The following FBN2 variants were observed in gnomAD, a reference collection of about 807,000 sequenced individuals.
The protein encoded by FBN2 is fibrillin 2, also known as fibrillin-2.
In FBN2, 105 loss-of-function variants were observed where a neutral mutation model predicts 355.6. The ratio of observed to expected loss-of-function variants is 0.30; its 90% confidence interval spans 0.25 to 0.35. The LOEUF (loss-of-function observed/expected upper bound fraction) is 0.35, where lower values mean the gene tolerates loss of function less well. FBN2 is among the 10% of genes least tolerant of loss of function. FBN2 has a pLI of 1.00. For synonymous variants in FBN2, 1,350 were observed against 1,301.2 expected (o/e 1.04, Z -0.81); for missense variants, 3,280 against 3,758.7 (o/e 0.87, Z 3.33).
At chr5:128,326,502 A>C (rs559006260) in intron 34 of FBN2, among the ~76,000 whole-genome samples, 1 of 152,292 alleles carries the variant, frequency 6.6e-6, no homozygotes, top group Non-Finnish European at 1.5e-5. Context: ...CAACTTCAAT[A>C]ATTTTTTGAA....
intron 15 of FBN2, among the ~76,000 whole-genome samples, chr5:128,370,420 C>T (rs1206440567): frequency 6.6e-6 from 1 of 152,044 alleles, no homozygotes; most frequent in Non-Finnish European, 1.5e-5. Flanking sequence ...CTGATTAAAA[C>T]AGTGATTTAT....
chr5:128,281,017 A>G (rs1030098885), intron 55 of FBN2, among the ~76,000 whole-genome samples: 2 of 152,136 alleles, frequency 1.3e-5, no homozygotes, highest in African/African-American at 2.4e-5. Context: ...TTTTTGATAA[A>G]TGGCTCCTTT....
intron 11 of FBN2, among the ~76,000 whole-genome samples, chr5:128,379,764 T>C (rs1438620228): frequency 6.6e-6 from 1 of 152,088 alleles, no homozygotes; most frequent in African/African-American, 2.4e-5. Flanking sequence ...CAATGCCCAC[T>C]AAATATTATT....
At chr5:128,282,210 T>C (rs779581946) in intron 55 of FBN2, among the ~76,000 whole-genome samples, 28 of 152,206 alleles carry the variant, frequency 1.8e-4, no homozygotes, top group Non-Finnish European at 3.2e-4. Flanking sequence ...ATTTTCATTT[T>C]CTTCTTAGTG....
chr5:128,312,662 G>C lies in FBN2; in HGVS notation c.4851C>G (p.Pro1617=), dbSNP rs759989646. 4 of 1,613,994 alleles carry C rather than the reference G, an allele frequency of 2.5e-6. 1 individual carries two copies. The Admixed American group carries it at 6.7e-5, about 27-fold the overall frequency. The change falls in exon 37 of 65, where the codon CCC becomes CCG. Residue 1617 remains proline (P), a synonymous_variant. Coordinates refer to ENST00000262464, the MANE Select transcript of FBN2 (RefSeq NM_001999.4). The part of the protein sequence containing the change: ...CCSLGKAWGN[P]CETCPPVNST... Reference sequence around the variant, plus strand: ...TATTGACAGGGGGGCATGTCTCACAGGGGTTTCCCCAGGCCTTTCCCAGAG... The same window carrying C: ...TATTGACAGGGGGGCATGTCTCACACGGGTTTCCCCAGGCCTTTCCCAGAG...
intron 41 of FBN2, 141 bp from the exon 42 acceptor site, chr5:128,307,344 C>T (rs570908067): frequency 3.6e-5 from 24 of 668,734 alleles, no homozygotes; most frequent in Admixed American, 1.1e-4. Context: ...TATTTGATAG[C>T]AATGCCAGCT....
chr5:128,449,628 A>G (rs1478089804), intron 6 of FBN2, among the ~76,000 whole-genome samples: 1 of 151,570 alleles, frequency 6.6e-6, no homozygotes, highest in Non-Finnish European at 1.5e-5. Context: ...AGAGTCAGGC[A>G]AAGAGAAAAA....
intron 17 of FBN2, among the ~76,000 whole-genome samples, 159 bp from the exon 18 acceptor site, chr5:128,364,884 G>T (rs994598342): frequency 6.6e-6 from 1 of 152,084 alleles, no homozygotes; most frequent in African/African-American, 2.4e-5. Context: ...AAAACAAGGA[G>T]TAAGAAAATA....
At chr5:128,451,502 C>A (rs183162190) in intron 6 of FBN2, among the ~76,000 whole-genome samples, 97 of 152,210 alleles carry the variant, frequency 6.4e-4, no homozygotes, top group African/African-American at 2.3e-3. Context: ...TGGGTTCAAG[C>A]GATTGTCCTG....
Position 128,359,770 on chromosome 5 carries a change from G to A in FBN2, c.2554+1953C>T, listed in dbSNP as rs577786975. Among the ~76,000 whole-genome samples, 4 of 152,122 alleles carry A rather than the reference G, an allele frequency of 2.6e-5. No homozygotes were observed. In the South Asian group the frequency reaches 6.2e-4, roughly 24 times the overall value. Reference sequence around the variant, plus strand: ...CTTAATATTTACATAATCACCAAATGTTACACTATTAAACACCACCAGCTC... The same window carrying A: ...CTTAATATTTACATAATCACCAAATATTACACTATTAAACACCACCAGCTC... On this transcript the variant is annotated intron_variant, in intron 19 of 64. Coordinates refer to ENST00000262464, the MANE Select transcript of FBN2 (RefSeq NM_001999.4).
chr5:128,343,248 G>A (rs775703440), intron 25 of FBN2, among the ~76,000 whole-genome samples: 2 of 152,182 alleles, frequency 1.3e-5, no homozygotes, highest in Non-Finnish European at 2.9e-5. Context: ...GGACTTGGAG[G>A]TGAATGCAGT....
intron 48 of FBN2, among the ~76,000 whole-genome samples, chr5:128,293,436 G>A (rs1561752760): frequency 2.0e-5 from 3 of 151,910 alleles, no homozygotes; most frequent in African/African-American, 7.3e-5. Flanking sequence ...GGGTTGCAGT[G>A]AGCCAAGATA....
chr5:128,533,080 G>C (rs1756748882), intron 2 of FBN2, among the ~76,000 whole-genome samples: 1 of 152,158 alleles, frequency 6.6e-6, no homozygotes, highest in South Asian at 2.1e-4. Context: ...CAAATACTGT[G>C]ATGTTAAGAT....
intron 48 of FBN2, among the ~76,000 whole-genome samples, chr5:128,293,627 G>A (rs1164711070): frequency 2.6e-5 from 4 of 151,946 alleles, no homozygotes; most frequent in African/African-American, 9.7e-5. Context: ...TGAAATAAAA[G>A]CTATCCATAC....
Position 128,330,565 on chromosome 5 carries a change from T to C in FBN2, c.4345+8A>G. On this transcript the variant is annotated splice_region_variant and intron_variant, in intron 33 of 64. Transcript: ENST00000262464. ...CCCGTCAGAGCACACCTCAGGACTG[T>C]CACCCACCTGAGCAGGTAAAGCCAT... is the stretch of plus-strand genomic sequence containing the variant. The C allele has an allele frequency of 6.2e-7, 1 of 1,614,054 alleles. No individual in the cohort carries two copies. Among genetic ancestry groups the C allele is most frequent in the Non-Finnish European group, 8.5e-7 (1 of 1,179,938 alleles).
At position 128,377,735 on chromosome 5, in the gene FBN2, G is replaced by A. The variant is rs756783018; in HGVS notation, c.1849+17C>T. On this transcript the variant is annotated intron_variant, in intron 13 of 64. Coordinates refer to ENST00000262464, the MANE Select transcript of FBN2 (RefSeq NM_001999.4). ...TCCTTTTAAAATCTTTTGCAAGGGA[G>A]CAGGCAATTTCCATACCAACACAGT... The A allele has an allele frequency of 5.0e-6, 8 of 1,612,696 alleles. No individual in the cohort carries two copies. The highest frequency in any genetic ancestry group is 1.3e-5 in the African/African-American group (1 of 74,856).
At chr5:128,446,419 A>C in intron 7 of FBN2, 62 bp downstream of exon 7, 1 of 1,564,516 alleles carries the variant, frequency 6.4e-7, no homozygotes. Context: ...TTTCAAATGA[A>C]GTCCTGTTTT....
At chr5:128,444,054 C>CTTTTTTTTTTTTTTTTT (rs35768962) in intron 7 of FBN2, among the ~76,000 whole-genome samples, 1 of 65,624 alleles carries the variant, frequency 1.5e-5, no homozygotes, top group Non-Finnish European at 2.9e-5. Flanking sequence ...ATCACTTGTT[C>CTTTTTTTTTTTTTTTTT]TTTTTTTTTT....
chr5:128,290,663 T>G (rs1012580839), intron 50 of FBN2, 69 bp downstream of exon 50: 2 of 1,472,888 alleles, frequency 1.4e-6, no homozygotes. Flanking sequence ...ATTACATGGT[T>G]AAACCCACTC....
Sources: gnomAD v4.1 joint callset for allele counts (sites outside exome capture counted in the v4.1 genomes callset) on GRCh38, gnomAD v4.1.1 for gene constraint, MANE v1.5 for transcripts, NCBI Gene and HGNC (gene_info 2026-07-23, HGNC 2026-07-21) for gene names.